RGL1: variants seen among roughly 807,000 people sequenced by gnomAD.
The protein encoded by RGL1 is ral guanine nucleotide dissociation stimulator-like 1.
Under a neutral mutation model 95.2 loss-of-function variants are expected in RGL1, and 24 were observed. The observed-to-expected ratio is 0.25, with a 90% confidence interval of 0.18 to 0.35. The LOEUF is 0.35. RGL1 is among the 10% of genes least tolerant of loss of function. The probability of loss-of-function intolerance (pLI) is 1.00; values close to 1 mark genes in which losing one functional copy is unlikely to be tolerated. For synonymous variants in RGL1, 329 were observed against 344.9 expected, an observed-to-expected ratio of 0.95 and a Z score of 0.51; for missense variants, 715 against 936.3, an observed-to-expected ratio of 0.76 and a Z score of 3.08.
At chr1:183,859,824 C>T (rs925697937) in intron 3 of RGL1, among the ~76,000 whole-genome samples, 1 of 152,174 alleles carries the variant, frequency 6.6e-6, no homozygotes, top group South Asian at 2.1e-4. Context: ...TAAGTAACTT[C>T]ACAGTGGTAA....
At chr1:183,655,664 A>G (rs1019572817) in intron 1 of RGL1, among the ~76,000 whole-genome samples, 2 of 152,226 alleles carry the variant, frequency 1.3e-5, no homozygotes, top group African/African-American at 4.8e-5. Context: ...CAAGATGGCC[A>G]CAAGGTGGCA....
intron 16 of RGL1, among the ~76,000 whole-genome samples, chr1:183,919,327 G>C (rs1669179386): frequency 1.3e-5 from 2 of 152,224 alleles, no homozygotes; most frequent in African/African-American, 4.8e-5. Context: ...GGGTACTGAA[G>C]AATACAGTGA....
intron 1 of RGL1, among the ~76,000 whole-genome samples, chr1:183,716,649 G>A (rs753890812): frequency 2.1e-4 from 32 of 152,216 alleles, no homozygotes; most frequent in Admixed American, 9.8e-4. Context: ...GTAGTCCCTG[G>A]CTGGGCAGCC....
At chr1:183,916,409 C>T (rs1668973067) in intron 15 of RGL1, 38 bp from the exon 16 acceptor site, 1 of 1,607,260 alleles carries the variant, frequency 6.2e-7, no homozygotes. Context: ...GGCCAGCGTT[C>T]TAATCTGTTT....
intron 12 of RGL1, 37 bp from the exon 13 acceptor site, chr1:183,904,813 C>CTTT: frequency 7.2e-7 from 1 of 1,386,886 alleles, no homozygotes; most frequent in South Asian, 1.4e-5. Context: ...ATTATTCAGT[C>CTTT]TTTTTTTTTT....
At chr1:183,799,095 G>C (rs918595558) in intron 2 of RGL1, among the ~76,000 whole-genome samples, 1 of 151,422 alleles carries the variant, frequency 6.6e-6, no homozygotes, top group African/African-American at 2.4e-5. Flanking sequence ...CTACAGGCAG[G>C]GTTTCACCGT....
At chr1:183,672,559 A>T (rs1228378722) in intron 1 of RGL1, among the ~76,000 whole-genome samples, 1 of 152,198 alleles carries the variant, frequency 6.6e-6, no homozygotes, top group East Asian at 1.9e-4. Flanking sequence ...CGGATCAGTC[A>T]TCTAGTTCTC....
intron 1 of RGL1, among the ~76,000 whole-genome samples, chr1:183,651,530 T>C (rs1650751262): frequency 6.6e-6 from 1 of 152,182 alleles, no homozygotes; most frequent in Non-Finnish European, 1.5e-5. Context: ...GCAGAAAATA[T>C]GTTAAAAGCC....
At chr1:183,816,956 AC>A (rs1429323867) in intron 2 of RGL1, among the ~76,000 whole-genome samples, 6 of 152,174 alleles carry the variant, frequency 3.9e-5, no homozygotes, top group African/African-American at 1.2e-4. Flanking sequence ...GGAAAAAAAA[AC>A]CCCATACTCA....
chr1:183,770,510 T>G (rs915484554), intron 2 of RGL1, among the ~76,000 whole-genome samples: 1 of 152,106 alleles, frequency 6.6e-6, no homozygotes, highest in African/African-American at 2.4e-5. Context: ...ATTACTGAAA[T>G]ATTGCCAGGG....
intron 1 of RGL1, among the ~76,000 whole-genome samples, chr1:183,710,644 G>A (rs1249538703): frequency 1.3e-5 from 2 of 152,188 alleles, no homozygotes; most frequent in Non-Finnish European, 2.9e-5. Context: ...GAAGGTAAAA[G>A]GGAAGCAAGG....
At chr1:183,837,073 T>A (rs980892258) in intron 2 of RGL1, among the ~76,000 whole-genome samples, 3 of 152,068 alleles carry the variant, frequency 2.0e-5, no homozygotes, top group Admixed American at 1.3e-4. Context: ...AATCAAAAAT[T>A]AATGACTTGA....
Position 183,834,779 on chromosome 1 carries a change from C to T in RGL1, c.139-12787C>T, listed in dbSNP as rs538883632. Among the ~76,000 whole-genome samples the T allele has an allele frequency of 1.2e-4, 19 of 152,170 alleles. No individual in the cohort carries two copies. The East Asian group carries it at 3.1e-3, about 25-fold the overall frequency. On this transcript the variant is annotated intron_variant, in intron 2 of 17. Coordinates refer to ENST00000360851, the MANE Select transcript of RGL1 (RefSeq NM_001297671.3). ...TCATAGCTCATTGTAGCCTTGTACT[C>T]GTCCGTTCAAGAGATCCTTTCACTT... is the stretch of plus-strand genomic sequence containing the variant.
At chr1:183,796,423 A>C (rs187413179) in intron 2 of RGL1, among the ~76,000 whole-genome samples, 308 of 152,208 alleles carry the variant, frequency 2.0e-3, no homozygotes, top group African/African-American at 7.1e-3. Context: ...CCGCCTCCCA[A>C]AGTGCTGGGA....
At chr1:183,803,050 A>C (rs1661081061), upstream of RGL1, among the ~76,000 whole-genome samples, 1 of 152,244 alleles carries the variant, frequency 6.6e-6, no homozygotes, top group South Asian at 2.1e-4. Flanking sequence ...TGCAACACAC[A>C]ATTGCTCTAT....
chr1:183,640,931 A>AT (rs1288467043), intron 1 of RGL1, among the ~76,000 whole-genome samples: 1 of 152,192 alleles, frequency 6.6e-6, no homozygotes, highest in Non-Finnish European at 1.5e-5. Context: ...TGACTGCTAA[A>AT]ATTATCAAAT....
At chr1:183,722,945 G>A (rs1656094793) in intron 1 of RGL1, among the ~76,000 whole-genome samples, 2 of 152,040 alleles carry the variant, frequency 1.3e-5, no homozygotes, top group Admixed American at 1.3e-4. Context: ...ATTTTAAAAA[G>A]GCAACAGTAG....
At chr1:183,799,894 A>G (rs1660894862) in intron 2 of RGL1, among the ~76,000 whole-genome samples, 1 of 152,226 alleles carries the variant, frequency 6.6e-6, no homozygotes, top group Non-Finnish European at 1.5e-5. Flanking sequence ...CATTAAAGGG[A>G]AATGGTGTGA....
intron 17 of RGL1, among the ~76,000 whole-genome samples, chr1:183,924,043 G>A (rs1669469439): frequency 6.6e-6 from 1 of 152,048 alleles, no homozygotes; most frequent in Non-Finnish European, 1.5e-5. Context: ...GCTAAATACT[G>A]TATACCTTCT....
Sources: allele counts gnomAD v4.1 joint callset (sites outside exome capture counted in the v4.1 genomes callset), GRCh38; gene constraint gnomAD v4.1.1; transcripts MANE v1.5; gene names NCBI Gene and HGNC (gene_info 2026-07-23, HGNC 2026-07-21).